Variants in RSRP1 observed in about 807,000 individuals in gnomAD.
The protein encoded by RSRP1 is arginine/serine-rich protein 1.
In RSRP1, 37 loss-of-function variants were observed where a neutral mutation model predicts 33.0. The ratio of observed to expected loss-of-function variants is 1.12; its 90% CI spans 0.86 to 1.48. The LOEUF (loss-of-function observed/expected upper bound fraction) is 1.48, where lower values mean the gene tolerates loss of function less well. Among genes scored for constraint, RSRP1 ranks in the 40% most tolerant of loss-of-function variants. The pLI, the probability that RSRP1 is intolerant of heterozygous loss-of-function variation, is 0.00. For synonymous variants in RSRP1, 167 were observed against 158.7 expected (o/e 1.05, Z -0.40); for missense variants, 402 against 385.3 (o/e 1.04, Z -0.36).
intron 1 of RSRP1, among the ~76,000 whole-genome samples, chr1:25,303,842 AC>A (rs1643589492): frequency 7.9e-6 from 1 of 126,824 alleles, no homozygotes; most frequent in East Asian, 2.0e-4. Context: ...CTTTCACCCC[AC>A]ATTGTGGGGT....
rs1159573452 is a variant in RSRP1 at position 25,278,480 on chromosome 1, G to A, written c.-66-31451C>T. ...TGGTGCAACAACTGGGCTGGGTTCA[G>A]CTGGGCAGTTCTTCTGTTAGTTTCA... On this transcript the variant is annotated intron_variant, in intron 1 of 1. Transcript: ENST00000561867. 4.6e-5 allele frequency among the ~76,000 whole-genome samples: 6 copies of A among 131,804 alleles called. 2 individuals are homozygous for A. The highest frequency in any genetic ancestry group is 1.1e-4 in the Non-Finnish European group (6 of 55,640). The allele number at this position is 131,804 out of a possible 152,430, so 86.5% of individuals were successfully genotyped here.
At chr1:25,305,615 T>C (rs1643757716) in intron 1 of RSRP1, among the ~76,000 whole-genome samples, 1 of 125,832 alleles carries the variant, frequency 7.9e-6, no homozygotes, top group Admixed American at 7.8e-5. Context: ...TTGTTGTTGT[T>C]GTTGAGACGG....
chr1:25,244,071 T>A, intron 3 of RSRP1: 1 of 1,207,004 alleles, frequency 8.3e-7, no homozygotes. Context: ...TTTTTTTTTT[T>A]AAGCCCCCGA....
Position 25,290,723 on chromosome 1 carries a change from G to A in RSRP1, c.-66-43694C>T, listed in dbSNP as rs1235550632. 2 of 1,378,000 alleles carry A rather than the reference G, an allele frequency of 1.5e-6. 1 individual carries two copies. Among genetic ancestry groups the A allele is most frequent in the Non-Finnish European group, 2.0e-6 (2 of 978,410 alleles). 85.4% of individuals were successfully genotyped at this position (1,378,000 alleles called of 1,614,324 possible). On this transcript the variant is annotated intron_variant, in intron 1 of 1. Transcript: ENST00000561867. ...GGGGAAGGTCAACTTGGCGCAGTTG[G>A]TGGTGATGGTGCTGGTGGAGGTGAC...
chr1:25,244,020 A>C, intron 3 of RSRP1: 7 of 1,191,302 alleles, frequency 5.9e-6, no homozygotes, highest in Non-Finnish European at 7.4e-6. Context: ...GAGCAAACCC[A>C]CATCTGGGCC....
At chr1:25,299,688 T>C (rs1347220090) in intron 1 of RSRP1, among the ~76,000 whole-genome samples, 3 of 132,128 alleles carry the variant, frequency 2.3e-5, no homozygotes, top group Non-Finnish European at 5.4e-5. Context: ...GACCTTGACT[T>C]TGAGTGACAT....
chr1:25,248,873 T>A (rs1036275354), upstream of RSRP1, among the ~76,000 whole-genome samples: 4 of 152,136 alleles, frequency 2.6e-5, no homozygotes, highest in East Asian at 7.7e-4. Context: ...ACGAGGCCAG[T>A]CGCGGTGGCT....
At chr1:25,268,412 G>C (rs1269573740) in intron 1 of RSRP1, among the ~76,000 whole-genome samples, 1 of 131,226 alleles carries the variant, frequency 7.6e-6, no homozygotes, top group Non-Finnish European at 1.8e-5. Flanking sequence ...CCAGCTACTT[G>C]GGAGGCTGAG....
intron 4 of RSRP1, 100 bp from the exon 5 acceptor site, chr1:25,242,805 T>G (rs572756233): frequency 1.5e-5 from 13 of 841,412 alleles, no homozygotes; most frequent in Non-Finnish European, 1.7e-5. Flanking sequence ...GCCTTAGAGA[T>G]ATTATCAATT....
intron 1 of RSRP1, among the ~76,000 whole-genome samples, chr1:25,292,217 A>T (rs189402891): frequency 7.5e-6 from 1 of 132,726 alleles, no homozygotes; most frequent in East Asian, 1.9e-4. Context: ...AGTGTCCCAA[A>T]GGACTTTGGA....
Position 25,269,879 on chromosome 1 carries a change from G to A in RSRP1, c.-66-22850C>T, listed in dbSNP as rs925882814. Among the ~76,000 whole-genome samples the A allele has an allele frequency of 3.8e-5, 5 of 132,410 alleles. 1 individual carries two copies. Among genetic ancestry groups the A allele is most frequent in the African/African-American group, 1.3e-4 (5 of 38,752 alleles). The allele number at this position is 132,410 out of a possible 152,430, so 86.9% of individuals were successfully genotyped here. The stretch of plus-strand genomic sequence containing the variant: ...CAGGATCAGGACGCACAGGGATTTG[G>A]AGTGCCTTGGAACCAACCACCACCC... On this transcript the variant is annotated intron_variant, in intron 1 of 1. Transcript: ENST00000561867.
chr1:25,312,578 T>A (rs1210474583), intron 1 of RSRP1, among the ~76,000 whole-genome samples: 1 of 129,060 alleles, frequency 7.7e-6, no homozygotes, highest in East Asian at 2.0e-4. Flanking sequence ...GACCTGTCTC[T>A]ACAAAAAATA....
At position 25,276,532 on chromosome 1, in the gene RSRP1, T is replaced by TAAAAAAAAAAAAAAAAAAAAAAAAAA. The variant is rs557746335; in HGVS notation, c.-66-29504_-66-29503insTTTTTTTTTTTTTTTTTTTTTTTTTT. Among the ~76,000 whole-genome samples the TAAAAAAAAAAAAAAAAAAAAAAAAAA allele has an allele frequency of 2.0e-4, 13 of 64,782 alleles. 1 individual carries two copies. Among genetic ancestry groups the TAAAAAAAAAAAAAAAAAAAAAAAAAA allele is most frequent in the African/African-American group, 7.9e-4 (11 of 13,864 alleles). 42.5% of individuals were successfully genotyped at this position (64,782 alleles called of 152,430 possible). ...ACATAGGGAGACCCCCCCCCATCTCTAAAAAAAAAAAAAAAAAAAAAAACT... is the reference window on the plus strand; with the variant it reads ...ACATAGGGAGACCCCCCCCCATCTCTAAAAAAAAAAAAAAAAAAAAAAAAAAAAAAAAAAAAAAAAAAAAAAAAACT... On this transcript the variant is annotated intron_variant, in intron 1 of 1. Transcript: ENST00000561867.
chr1:25,244,862 T>G, intron 3 of RSRP1: 1 of 1,107,674 alleles, frequency 9.0e-7, no homozygotes, highest in Non-Finnish European at 1.2e-6. Context: ...TTTTGTATTT[T>G]TTGTAAACAC....
At position 25,295,642 on chromosome 1, in the gene RSRP1, G is replaced by A. The variant is rs1426618825; in HGVS notation, c.-67+42336C>T. ...GAGACGAGCGGTCAAGGAGCCGAGA[G>A]GGAAGGAGTTGGGTGGACTAAGATC... On this transcript the variant is annotated intron_variant, in intron 1 of 1. Coordinates refer to the RSRP1 transcript ENST00000561867. 4.7e-5 allele frequency among the ~76,000 whole-genome samples: 5 copies of A among 106,000 alleles called. 1 individual carries two copies. The highest frequency in any genetic ancestry group is 1.1e-4 in the Non-Finnish European group (5 of 44,428). 69.5% of individuals were successfully genotyped at this position (106,000 alleles called of 152,430 possible).
upstream of RSRP1, among the ~76,000 whole-genome samples, chr1:25,248,722 C>G (rs924151440): frequency 6.6e-6 from 1 of 152,234 alleles, no homozygotes; most frequent in Admixed American, 6.5e-5. Flanking sequence ...TCATCCACAT[C>G]TCCTGAGGAT....
rs968773901 is a variant in RSRP1 at position 25,311,910 on chromosome 1, G to C, written c.-67+26068C>G. On this transcript the variant is annotated intron_variant, in intron 1 of 1. Coordinates refer to the RSRP1 transcript ENST00000561867. ...CCACCTACATTTCAAAGGGTGCTGT[G>C]AACAGCCACCCCAGAGAGCCCCTAG... Among the ~76,000 whole-genome samples the C allele has an allele frequency of 8.4e-5, 11 of 131,246 alleles. 1 individual carries two copies. The highest frequency in any genetic ancestry group is 2.9e-4 in the African/African-American group (11 of 37,466). The allele number at this position is 131,246 out of a possible 152,430, so 86.1% of individuals were successfully genotyped here.
upstream of RSRP1, among the ~76,000 whole-genome samples, chr1:25,250,200 A>T (rs979204032): frequency 6.6e-6 from 1 of 152,198 alleles, no homozygotes; most frequent in African/African-American, 2.4e-5. Context: ...AGGGGCTTAA[A>T]CTATCACTAA....
intron 3 of RSRP1, 100 bp downstream of exon 3, chr1:25,245,050 T>C: frequency 6.2e-7 from 1 of 1,607,996 alleles, no homozygotes; most frequent in Non-Finnish European, 8.5e-7. Flanking sequence ...TATATACATC[T>C]CTAGACTTCC....
Sources: allele counts gnomAD v4.1 joint callset (sites outside exome capture counted in the v4.1 genomes callset), GRCh38; gene constraint gnomAD v4.1.1; transcripts MANE v1.5; gene names NCBI Gene and HGNC (gene_info 2026-07-23, HGNC 2026-07-21).